The following LMO7 variants were observed in gnomAD, a reference collection of about 807,000 sequenced individuals.
The protein encoded by LMO7 is LIM domain only protein 7.
A neutral mutation model predicts 206.5 loss-of-function variants in LMO7; 120 were observed. That is an observed-to-expected ratio of 0.58 (90% confidence interval 0.50 to 0.68). The LOEUF is 0.68. LMO7 is among the 30% of genes least tolerant of loss of function. The pLI, the probability that LMO7 is intolerant of heterozygous loss-of-function variation, is 0.00. For missense variants in LMO7, 1,959 were observed against 1,957.9 expected (o/e 1.00, Z -0.01); for synonymous variants, 706 against 681.5 (o/e 1.04, Z -0.56).
At chr13:75,747,089 CT>C (rs1443678243) in intron 3 of LMO7, among the ~76,000 whole-genome samples, 1 of 152,046 alleles carries the variant, frequency 6.6e-6, no homozygotes, top group African/African-American at 2.4e-5. Flanking sequence ...AAAAAATGAT[CT>C]GGATGGGCCT....
chr13:75,778,566 G>T (rs548979102), intron 4 of LMO7, among the ~76,000 whole-genome samples: 1 of 152,348 alleles, frequency 6.6e-6, no homozygotes, highest in East Asian at 1.9e-4. Flanking sequence ...CCCTTAAGCA[G>T]ATGTAAGCAC....
rs376579957 is a variant in LMO7 at position 75,809,218 on chromosome 13, G to T, written c.1946+35G>T. 5.3e-5 allele frequency: 83 copies of T among 1,574,364 alleles called. 1 individual carries two copies. The South Asian group carries it at 8.0e-4, about 15-fold the overall frequency. On this transcript the variant is annotated intron_variant, in intron 11 of 30. Transcript: ENST00000377534. ...GTGGTTCACAGTAAAAAATCTGTGC[G>T]TGTTGTTTGTTCTTTGTATAACTTA...
At chr13:75,803,199 C>G (rs1184130403) in intron 7 of LMO7, among the ~76,000 whole-genome samples, 1 of 152,186 alleles carries the variant, frequency 6.6e-6, no homozygotes, top group African/African-American at 2.4e-5. Flanking sequence ...TCTCCTTTTA[C>G]TCTGTCCCTG....
intron 1 of LMO7, among the ~76,000 whole-genome samples, chr13:75,660,857 A>T (rs950036337): frequency 1.3e-5 from 2 of 152,144 alleles, no homozygotes; most frequent in Non-Finnish European, 2.9e-5. Context: ...GTAGGAGAAG[A>T]GGTGCCTCAT....
At chr13:75,855,853 ATTGT>A (rs2060885956) in intron 29 of LMO7, among the ~76,000 whole-genome samples, 2 of 152,188 alleles carry the variant, frequency 1.3e-5, no homozygotes, top group Admixed American at 1.3e-4. Flanking sequence ...TAAGGCTGTA[ATTGT>A]TTGGTTTTGT....
At chr13:75,749,773 C>T (rs1170255223) in intron 3 of LMO7, among the ~76,000 whole-genome samples, 3 of 152,034 alleles carry the variant, frequency 2.0e-5, no homozygotes, top group Admixed American at 6.5e-5. Flanking sequence ...TGAAACTTTA[C>T]GGCTTTCCTT....
chr13:75,842,478 C>T (rs1025746144), intron 24 of LMO7, among the ~76,000 whole-genome samples: 1 of 152,166 alleles, frequency 6.6e-6, no homozygotes, highest in South Asian at 2.1e-4. Flanking sequence ...CACTCTTTCT[C>T]TCTGTATACT....
chr13:75,767,546 A>G (rs903718899), intron 4 of LMO7, among the ~76,000 whole-genome samples: 11 of 151,910 alleles, frequency 7.2e-5, no homozygotes, highest in Non-Finnish European at 1.5e-4. Context: ...ACCTTTGTCT[A>G]GTATTAAACA....
chr13:75,760,683 A>G, intron 3 of LMO7: 7 of 1,520,284 alleles, frequency 4.6e-6, no homozygotes, highest in Non-Finnish European at 1.8e-6. Context: ...TTAACGTGCC[A>G]GTCACAAAGA....
At position 75,859,672 on chromosome 13, in the gene LMO7, A is replaced by T. The variant is rs1241412704; in HGVS notation, c.*1729A>T. 1 of 152,154 alleles carries T rather than the reference A, an allele frequency of 6.6e-6. No homozygotes were observed. Among genetic ancestry groups the T allele is most frequent in the African/African-American group, 2.4e-5 (1 of 41,430 alleles). The allele number at this position is 152,154 out of a possible 1,614,324, so 9.4% of individuals were successfully genotyped here. ...GCTCAGAGATTATGCATTTTAAGAC[A>T]CTCATAGTATATATTGCCAAAGTGG... On this transcript the variant is annotated 3_prime_UTR_variant, in exon 31 of 31. Coordinates refer to ENST00000377534, the MANE Select transcript of LMO7 (RefSeq NM_001306080.2).
At position 75,761,018 on chromosome 13, in the gene LMO7, A is replaced by G. The variant is rs770840083; in HGVS notation, c.297A>G (p.Leu99=). The part of the protein sequence containing the change: ...QLFHPGDLQD[L]SNRVTVKQEE... ...TCCATCCTGGAGATCTACAGGATTT[A>G]TCAAATCGAGTCACTGTCAAGTAAG... Residue 99 remains leucine (L), a synonymous_variant, in exon 4 of 31, where the codon TTA becomes TTG. Coordinates refer to ENST00000377534, the MANE Select transcript of LMO7 (RefSeq NM_001306080.2). 6.8e-6 allele frequency: 11 copies of G among 1,611,974 alleles called. No individual in the cohort carries two copies. The South Asian group carries it at 7.7e-5, about 11-fold the overall frequency.
chr13:75,709,013 G>C (rs1033573044), intron 1 of LMO7, among the ~76,000 whole-genome samples: 3 of 151,070 alleles, frequency 2.0e-5, no homozygotes, highest in Non-Finnish European at 2.9e-5. Flanking sequence ...TGTTCTCATT[G>C]TTCAGTTCCC....
intron 3 of LMO7, among the ~76,000 whole-genome samples, chr13:75,745,913 G>A (rs2046801732): frequency 1.3e-5 from 2 of 152,176 alleles, no homozygotes; most frequent in Admixed American, 1.3e-4. Context: ...CAGCTCATCA[G>A]CTGACTGCAG....
At chr13:75,838,432 AC>A in intron 20 of LMO7, 12 of 709,390 alleles carry the variant, frequency 1.7e-5, no homozygotes, top group Admixed American at 1.4e-4. Flanking sequence ...TAAACATTTT[AC>A]TTTTTTTTTT....
intron 4 of LMO7, among the ~76,000 whole-genome samples, chr13:75,773,726 G>C (rs1365925209): frequency 6.6e-6 from 1 of 152,164 alleles, no homozygotes. Flanking sequence ...TGTTGGATGT[G>C]ACAGTAGAAC....
rs376266459 is a variant in LMO7 at position 75,666,044 on chromosome 13, A to T, written c.69+29318A>T. 1.4e-4 allele frequency among the ~76,000 whole-genome samples: 21 copies of T among 152,372 alleles called. No homozygotes were observed. The East Asian group carries it at 4.0e-3, about 29-fold the overall frequency. The stretch of plus-strand genomic sequence containing the variant: ...TACTCCTCCAAGTAACATTTGTCAT[A>T]GAATATTCTAATGTTTTCTGACTGC... On this transcript the variant is annotated intron_variant, in intron 1 of 30. Coordinates refer to ENST00000377534, the MANE Select transcript of LMO7 (RefSeq NM_001306080.2).
intron 1 of LMO7, among the ~76,000 whole-genome samples, chr13:75,645,714 G>A (rs2036947798): frequency 6.6e-6 from 1 of 152,182 alleles, no homozygotes; most frequent in Admixed American, 6.5e-5. Flanking sequence ...TCTATCAAAA[G>A]CATCAGATAG....
intron 2 of LMO7, among the ~76,000 whole-genome samples, chr13:75,726,494 G>A (rs541275025): frequency 5.9e-5 from 9 of 151,962 alleles, no homozygotes; most frequent in African/African-American, 1.9e-4. Flanking sequence ...TTCTGCTGCG[G>A]TAATAAAGCA....
intron 3 of LMO7, among the ~76,000 whole-genome samples, chr13:75,744,145 G>T (rs2046641418): frequency 6.6e-6 from 1 of 152,180 alleles, no homozygotes; most frequent in East Asian, 1.9e-4. Context: ...ATTTCCTTGA[G>T]TCTCCTTGTC....
Sources: gnomAD v4.1 joint callset for allele counts (sites outside exome capture counted in the v4.1 genomes callset) on GRCh38, gnomAD v4.1.1 for gene constraint, MANE v1.5 for transcripts, NCBI Gene and HGNC (gene_info 2026-07-23, HGNC 2026-07-21) for gene names.